Variants in FSTL5 observed in about 807,000 individuals in gnomAD.
FSTL5 encodes the protein follistatin-related protein 5.
In FSTL5, 62 loss-of-function variants were observed where a neutral mutation model predicts 89.1. That is an observed-to-expected ratio of 0.70 (90% CI 0.57 to 0.86). The LOEUF (loss-of-function observed/expected upper bound fraction) is 0.86, where lower values mean the gene tolerates loss of function less well. Among genes scored for constraint, FSTL5 ranks in the 40% least tolerant of loss-of-function variants. The pLI is 0.00. For missense variants in FSTL5, 1,057 were observed against 1,001.6 expected (o/e 1.06, Z -0.75); for synonymous variants, 383 against 346.2 (o/e 1.11, Z -1.18).
chr4:161,444,688 T>C (rs1387832650), intron 15 of FSTL5, among the ~76,000 whole-genome samples: 1 of 72,730 alleles, frequency 1.4e-5, no homozygotes, highest in East Asian at 3.4e-4. Flanking sequence ...TTATGAGGAG[T>C]TGAGTTTTGT....
At chr4:161,975,694 G>A (rs1735616926) in intron 3 of FSTL5, among the ~76,000 whole-genome samples, 1 of 150,136 alleles carries the variant, frequency 6.7e-6, no homozygotes, top group Non-Finnish European at 1.5e-5. Context: ...CATGGCACAT[G>A]TATACATATG....
At chr4:161,552,210 TAAC>T (rs1732241115) in intron 8 of FSTL5, among the ~76,000 whole-genome samples, 1 of 151,878 alleles carries the variant, frequency 6.6e-6, no homozygotes, top group African/African-American at 2.4e-5. Context: ...TCTAATCTCT[TAAC>T]AACTACAGTT....
intron 15 of FSTL5, among the ~76,000 whole-genome samples, chr4:161,409,538 C>T (rs1731514346): frequency 6.6e-6 from 1 of 152,046 alleles, no homozygotes; most frequent in Non-Finnish European, 1.5e-5. Flanking sequence ...TGTGCCACCA[C>T]ATGAGGCTAA....
At chr4:161,982,596 C>T (rs565410755) in intron 3 of FSTL5, among the ~76,000 whole-genome samples, 95 of 152,232 alleles carry the variant, frequency 6.2e-4, no homozygotes, top group African/African-American at 2.2e-3. Context: ...AAGAAATGAT[C>T]TAATACATAT....
At chr4:162,093,674 A>G (rs1449897787) in intron 2 of FSTL5, among the ~76,000 whole-genome samples, 1 of 152,182 alleles carries the variant, frequency 6.6e-6, no homozygotes, top group Admixed American at 6.5e-5. Flanking sequence ...TTAAACTGGT[A>G]ATCACTATGT....
intron 13 of FSTL5, among the ~76,000 whole-genome samples, chr4:161,464,575 C>A (rs1261456594): frequency 6.6e-6 from 1 of 152,084 alleles, no homozygotes; most frequent in Non-Finnish European, 1.5e-5. Flanking sequence ...TTATTGTCTG[C>A]CTCATCTAAT....
Position 161,836,179 on chromosome 4 carries a change from T to G in FSTL5, c.410-60105A>C, listed in dbSNP as rs182547278. 1.6e-3 allele frequency among the ~76,000 whole-genome samples: 242 copies of G among 151,832 alleles called. 1 individual carries two copies. Among genetic ancestry groups the G allele is most frequent in the African/African-American group, 5.5e-3 (227 of 41,386 alleles). Reference sequence around the variant, plus strand: ...GGGACATGGATGAAATTGGAAATCATCATTCTGAGTAAACTATCGCAAGAA... The same window carrying G: ...GGGACATGGATGAAATTGGAAATCAGCATTCTGAGTAAACTATCGCAAGAA... On this transcript the variant is annotated intron_variant, in intron 4 of 15. Coordinates refer to ENST00000306100, the MANE Select transcript of FSTL5 (RefSeq NM_020116.5).
intron 3 of FSTL5, among the ~76,000 whole-genome samples, chr4:162,026,304 C>CTTTTTTTTTTCTTTTTTTTTTTTTTT (rs1737283331): frequency 1.3e-5 from 1 of 79,472 alleles, no homozygotes; most frequent in Non-Finnish European, 2.2e-5. Context: ...TATGTATTTT[C>CTTTTTTTTTTCTTTTTTTTTTTTTTT]TTTTTTTTTT....
chr4:162,061,321 A>G (rs1267477838), intron 2 of FSTL5, among the ~76,000 whole-genome samples: 2 of 152,144 alleles, frequency 1.3e-5, no homozygotes, highest in African/African-American at 2.4e-5. Context: ...TGCTGAATCT[A>G]AAGAAGCTGC....
chr4:161,543,025 A>T (rs1247338980), intron 8 of FSTL5, among the ~76,000 whole-genome samples: 3 of 152,110 alleles, frequency 2.0e-5, no homozygotes, highest in African/African-American at 7.2e-5. Context: ...ATATGGGACA[A>T]TTTGAGCACT....
chr4:161,539,151 T>C (rs1241042471), intron 9 of FSTL5, among the ~76,000 whole-genome samples: 1 of 151,848 alleles, frequency 6.6e-6, no homozygotes, highest in Non-Finnish European at 1.5e-5. Flanking sequence ...TTTTGTTTTC[T>C]TTCTGTGTGT....
intron 3 of FSTL5, among the ~76,000 whole-genome samples, chr4:161,976,672 G>A (rs980290716): frequency 3.9e-5 from 6 of 151,970 alleles, no homozygotes; most frequent in Non-Finnish European, 1.5e-5. Context: ...TAGTAGAGAC[G>A]GGGTTTCACC....
chr4:161,564,442 T>C (rs550939029), intron 8 of FSTL5, among the ~76,000 whole-genome samples: 2 of 150,974 alleles, frequency 1.3e-5, no homozygotes, highest in African/African-American at 2.4e-5. Context: ...ATTTACCATA[T>C]GTTTTGCTAA....
chr4:162,088,074 GA>G (rs1730393172), intron 2 of FSTL5, among the ~76,000 whole-genome samples: 1 of 151,868 alleles, frequency 6.6e-6, no homozygotes, highest in African/African-American at 2.4e-5. Flanking sequence ...TTAACTGCTA[GA>G]TTTTTTTTCT....
chr4:161,851,265 T>C (rs1326946991), intron 4 of FSTL5, among the ~76,000 whole-genome samples: 2 of 152,160 alleles, frequency 1.3e-5, no homozygotes, highest in African/African-American at 2.4e-5. Flanking sequence ...CTCTTTTAAT[T>C]GAAATATATA....
intron 2 of FSTL5, among the ~76,000 whole-genome samples, chr4:162,058,558 G>T (rs1341711335): frequency 6.7e-6 from 1 of 149,262 alleles, no homozygotes; most frequent in Non-Finnish European, 1.5e-5. Flanking sequence ...CTCCCGAGTA[G>T]CTGGGATTAC....
chr4:161,539,446 G>A (rs1731744597), intron 9 of FSTL5, among the ~76,000 whole-genome samples: 2 of 152,134 alleles, frequency 1.3e-5, no homozygotes, highest in Non-Finnish European at 2.9e-5. Flanking sequence ...ATAATCATTT[G>A]AATAACTTGA....
chr4:161,907,408 G>GA (rs1289566331), intron 4 of FSTL5, among the ~76,000 whole-genome samples: 2 of 151,956 alleles, frequency 1.3e-5, no homozygotes, highest in African/African-American at 2.4e-5. Flanking sequence ...AAGACATTAT[G>GA]GGTTTTCATG....
At chr4:161,599,478 A>G (rs573663868) in intron 7 of FSTL5, among the ~76,000 whole-genome samples, 5 of 152,300 alleles carry the variant, frequency 3.3e-5, no homozygotes, top group Admixed American at 6.5e-5. Context: ...TAATAATACA[A>G]TTCTGGAAAT....
Sources: gnomAD v4.1 joint callset for allele counts (sites outside exome capture counted in the v4.1 genomes callset) on GRCh38, gnomAD v4.1.1 for gene constraint, MANE v1.5 for transcripts, NCBI Gene and HGNC (gene_info 2026-07-23, HGNC 2026-07-21) for gene names.